Variants in FSIP1 observed in about 807,000 individuals in gnomAD.
The protein encoded by FSIP1 is fibrous sheath-interacting protein 1.
A neutral mutation model predicts 60.9 loss-of-function variants in FSIP1; 65 were observed. The observed-to-expected ratio is 1.07, with a 90% CI of 0.87 to 1.31. The LOEUF (loss-of-function observed/expected upper bound fraction) is 1.31, where lower values mean the gene tolerates loss of function less well. Among genes scored for constraint, FSIP1 ranks in the 40% most tolerant of loss-of-function variants. The probability of loss-of-function intolerance (pLI) is 0.00; values close to 1 mark genes in which losing one functional copy is unlikely to be tolerated. For synonymous variants in FSIP1, 209 were observed against 221.2 expected (o/e 0.94, Z 0.49); for missense variants, 675 against 665.5 (o/e 1.01, Z -0.16).
At chr15:39,721,580 C>A (rs1393692415) in intron 9 of FSIP1, among the ~76,000 whole-genome samples, 1 of 152,204 alleles carries the variant, frequency 6.6e-6, no homozygotes, top group African/African-American at 2.4e-5. Context: ...GACACTACAT[C>A]AACCACTACA....
At chr15:39,716,323 G>A (rs1342745641) in intron 9 of FSIP1, among the ~76,000 whole-genome samples, 2 of 152,110 alleles carry the variant, frequency 1.3e-5, no homozygotes, top group Non-Finnish European at 2.9e-5. Context: ...CTTGGGGCAA[G>A]CAAAGAGAAG....
intron 10 of FSIP1, among the ~76,000 whole-genome samples, chr15:39,699,476 T>C (rs755921465): frequency 4.6e-5 from 7 of 152,226 alleles, no homozygotes; most frequent in Non-Finnish European, 7.3e-5. Flanking sequence ...TGAATAGTTC[T>C]TACAACAACT....
At position 39,651,325 on chromosome 15, in the gene FSIP1, C is replaced by A. The variant is rs372422621; in HGVS notation, c.1189-33080G>T. On this transcript the variant is annotated intron_variant, in intron 10 of 11. Transcript: ENST00000350221. Reference sequence around the variant, plus strand: ...TCAAAACAATCTCTATTCCATTATTCCAATAAATTTTGTGACATTGATGTG... The same window carrying A: ...TCAAAACAATCTCTATTCCATTATTACAATAAATTTTGTGACATTGATGTG... Among the ~76,000 whole-genome samples, 3 of 152,280 alleles carry A rather than the reference C, an allele frequency of 2.0e-5. No individual in the cohort carries two copies. The East Asian group carries it at 5.8e-4, about 29-fold the overall frequency.
At chr15:39,658,251 A>ATTTTTTTT (rs71132110) in intron 10 of FSIP1, among the ~76,000 whole-genome samples, 1 of 105,290 alleles carries the variant, frequency 9.5e-6, no homozygotes. Flanking sequence ...AGCAGACATG[A>ATTTTTTTT]TTTTTTTTTT....
At chr15:39,688,912 G>A (rs370426888) in intron 10 of FSIP1, among the ~76,000 whole-genome samples, 1 of 152,170 alleles carries the variant, frequency 6.6e-6, no homozygotes, top group Non-Finnish European at 1.5e-5. Flanking sequence ...ATTTAAAATT[G>A]GGGAAGTGTA....
At chr15:39,692,573 A>G (rs2140507098) in intron 10 of FSIP1, among the ~76,000 whole-genome samples, 1 of 152,352 alleles carries the variant, frequency 6.6e-6, no homozygotes, top group African/African-American at 2.4e-5. Context: ...GTTATCCGAT[A>G]AAAGGAGAGT....
At chr15:39,738,026 C>T (rs1017451951) in intron 8 of FSIP1, 65 bp downstream of exon 8, 43 of 903,312 alleles carry the variant, frequency 4.8e-5, no homozygotes, top group Non-Finnish European at 6.7e-5. Flanking sequence ...TGATACTGGG[C>T]CAATAATATT....
chr15:39,601,512 AG>A (rs1206899056), intron 11 of FSIP1, among the ~76,000 whole-genome samples: 2 of 152,254 alleles, frequency 1.3e-5, no homozygotes, highest in African/African-American at 4.8e-5. Flanking sequence ...GCAGTTCCTG[AG>A]AAGGTTACCA....
At chr15:39,686,662 C>T (rs1273315915) in intron 10 of FSIP1, among the ~76,000 whole-genome samples, 1 of 152,248 alleles carries the variant, frequency 6.6e-6, no homozygotes, top group Non-Finnish European at 1.5e-5. Context: ...GTCAAGTAAT[C>T]CTGCAGACTG....
intron 10 of FSIP1, among the ~76,000 whole-genome samples, chr15:39,708,064 A>C (rs1695178412): frequency 6.6e-6 from 1 of 152,208 alleles, no homozygotes; most frequent in Non-Finnish European, 1.5e-5. Context: ...ATTCTATGAA[A>C]GCGGATACTC....
chr15:39,706,627 G>C (rs1184926851), intron 10 of FSIP1, among the ~76,000 whole-genome samples: 1 of 152,114 alleles, frequency 6.6e-6, no homozygotes, highest in African/African-American at 2.4e-5. Context: ...CAGACAGTCT[G>C]AGATATAAAC....
At chr15:39,626,396 C>T (rs1400780361) in intron 10 of FSIP1, among the ~76,000 whole-genome samples, 1 of 152,182 alleles carries the variant, frequency 6.6e-6, no homozygotes, top group African/African-American at 2.4e-5. Flanking sequence ...ATCCAAAACC[C>T]TCCACCTTGT....
chr15:39,708,448 G>A (rs560563221), intron 10 of FSIP1, among the ~76,000 whole-genome samples: 10 of 152,244 alleles, frequency 6.6e-5, no homozygotes, highest in East Asian at 5.8e-4. Context: ...CCAGAAATAC[G>A]TCTCTTTTTG....
intron 5 of FSIP1, among the ~76,000 whole-genome samples, chr15:39,762,040 T>A (rs1476074927): frequency 2.6e-5 from 4 of 152,174 alleles, no homozygotes; most frequent in African/African-American, 9.7e-5. Context: ...GGGCCGTATG[T>A]CTAGTCTTGG....
At chr15:39,625,460 T>C (rs567121037) in intron 10 of FSIP1, among the ~76,000 whole-genome samples, 2 of 152,290 alleles carry the variant, frequency 1.3e-5, no homozygotes, top group African/African-American at 2.4e-5. Context: ...CAGACTGTGC[T>C]TTCTAACAGG....
At chr15:39,667,546 G>A (rs1246420991) in intron 10 of FSIP1, among the ~76,000 whole-genome samples, 1 of 152,204 alleles carries the variant, frequency 6.6e-6, no homozygotes, top group Non-Finnish European at 1.5e-5. Context: ...CTTGGCAACT[G>A]TAAGCCGAAA....
At chr15:39,684,411 A>T (rs1894283701) in intron 10 of FSIP1, among the ~76,000 whole-genome samples, 1 of 152,134 alleles carries the variant, frequency 6.6e-6, no homozygotes, top group Non-Finnish European at 1.5e-5. Context: ...GCTCACTCAA[A>T]CTCAATGCTT....
intron 3 of FSIP1, among the ~76,000 whole-genome samples, chr15:39,769,897 T>C (rs1203593395): frequency 6.6e-6 from 1 of 152,176 alleles, no homozygotes; most frequent in Non-Finnish European, 1.5e-5. Context: ...TCAGCATTAC[T>C]ATGAAAACAG....
chr15:39,626,427 G>A (rs1891641704), intron 10 of FSIP1, among the ~76,000 whole-genome samples: 1 of 152,338 alleles, frequency 6.6e-6, no homozygotes, highest in Middle Eastern at 3.4e-3. Context: ...AAAGAAGGTG[G>A]AGATGTGGCA....
Sources: allele counts gnomAD v4.1 joint callset (sites outside exome capture counted in the v4.1 genomes callset), GRCh38; gene constraint gnomAD v4.1.1; transcripts MANE v1.5; gene names NCBI Gene and HGNC (gene_info 2026-07-23, HGNC 2026-07-21).